Variants in FAM118B observed in about 807,000 individuals in gnomAD.
FAM118B encodes the protein SIR2 antiphage like 1.
FAM118B carries 24 observed loss-of-function variants against 38.5 expected under a neutral mutation model. The ratio of observed to expected loss-of-function variants is 0.62; its 90% confidence interval spans 0.45 to 0.88. The LOEUF (loss-of-function observed/expected upper bound fraction) is 0.88, where lower values mean the gene tolerates loss of function less well. Among genes scored for constraint, FAM118B ranks in the 40% least tolerant of loss-of-function variants. The pLI is 0.00. For missense variants in FAM118B, 334 were observed against 420.0 expected (o/e 0.80, Z 1.79); for synonymous variants, 138 against 156.3 (o/e 0.88, Z 0.87).
At position 126,253,351 on chromosome 11, in the gene FAM118B, C is replaced by T. The variant is rs1318930200; in HGVS notation, c.568-954C>T. The stretch of plus-strand genomic sequence containing the variant: ...GTGCCTCTTGACTACTTTCCTGATT[C>T]ATAGCCTATTTCTCCAAAATGTGAT... On this transcript the variant is annotated intron_variant, in intron 5 of 8. Transcript: ENST00000533050. This position sits in a 1 kb window ranked among gnomAD's most constrained non-coding sequence, Gnocchi z 5.1. Among the ~76,000 whole-genome samples, 1 of 152,152 alleles carries T rather than the reference C, an allele frequency of 6.6e-6. No individual in the cohort carries two copies. Among genetic ancestry groups the T allele is most frequent in the Non-Finnish European group, 1.5e-5 (1 of 68,030 alleles).
chr11:126,260,001 T>C (rs1950655325), intron 7 of FAM118B, among the ~76,000 whole-genome samples: 1 of 152,138 alleles, frequency 6.6e-6, no homozygotes, highest in Admixed American at 6.5e-5. Flanking sequence ...ATTACAGGCG[T>C]GAGCCACTGT....
At chr11:126,258,451 C>T (rs1387230055) in intron 7 of FAM118B, among the ~76,000 whole-genome samples, 1 of 152,200 alleles carries the variant, frequency 6.6e-6, no homozygotes, top group East Asian at 1.9e-4. Flanking sequence ...AAATCATCCC[C>T]AGATTTCTTA....
At chr11:126,245,170 C>A (rs772843682) in intron 4 of FAM118B, 2 of 152,006 alleles carry the variant, frequency 1.3e-5, no homozygotes, top group African/African-American at 4.8e-5. Flanking sequence ...GAGGGGTGAA[C>A]AAACACAGAT....
At chr11:126,218,310 C>T (rs1950008609) in intron 1 of FAM118B, among the ~76,000 whole-genome samples, 1 of 152,158 alleles carries the variant, frequency 6.6e-6, no homozygotes, top group African/African-American at 2.4e-5. Context: ...CTCAGATATC[C>T]AGCGACTTGC....
chr11:126,211,981 C>T (rs1158797447), intron 1 of FAM118B, among the ~76,000 whole-genome samples, 151 bp downstream of exon 1: 6 of 152,210 alleles, frequency 3.9e-5, no homozygotes, highest in Non-Finnish European at 8.8e-5. Context: ...AAAAACTCCT[C>T]CCCGCCCCCG....
intron 7 of FAM118B, chr11:126,260,736 G>C (rs1950673213): frequency 6.6e-6 from 1 of 152,118 alleles, no homozygotes; most frequent in Non-Finnish European, 1.5e-5. Context: ...TGAGTACCAT[G>C]CCTGTTTATA....
At chr11:126,232,210 G>A (rs1335772201) in intron 2 of FAM118B, among the ~76,000 whole-genome samples, 1 of 152,004 alleles carries the variant, frequency 6.6e-6, no homozygotes, top group African/African-American at 2.4e-5. Context: ...AGCATCCCTA[G>A]TCCAAAAAAT....
At chr11:126,212,494 T>A (rs1227510473) in intron 1 of FAM118B, among the ~76,000 whole-genome samples, 1 of 152,222 alleles carries the variant, frequency 6.6e-6, no homozygotes, top group African/African-American at 2.4e-5. Flanking sequence ...CGACTCCCTC[T>A]GATTTCACTC....
At chr11:126,221,111 C>T (rs1565325302) in intron 1 of FAM118B, among the ~76,000 whole-genome samples, 2 of 152,094 alleles carry the variant, frequency 1.3e-5, no homozygotes, top group Admixed American at 1.3e-4. Flanking sequence ...AGCTTGAACC[C>T]GGGAGGCAGA....
intron 1 of FAM118B, among the ~76,000 whole-genome samples, chr11:126,217,478 C>T (rs1949995436): frequency 6.6e-6 from 1 of 152,188 alleles, no homozygotes; most frequent in African/African-American, 2.4e-5. Context: ...ACAGTGTGTT[C>T]CTCCTGGTGT....
intron 4 of FAM118B, among the ~76,000 whole-genome samples, chr11:126,247,824 C>T (rs953813921): frequency 1.5e-4 from 22 of 148,826 alleles, no homozygotes; most frequent in African/African-American, 5.2e-4. Context: ...CGCCACTGCA[C>T]TCCAGCCTGG....
At chr11:126,216,019 G>C (rs1172874621) in intron 1 of FAM118B, among the ~76,000 whole-genome samples, 1 of 151,454 alleles carries the variant, frequency 6.6e-6, no homozygotes, top group Non-Finnish European at 1.5e-5. Flanking sequence ...TCTCAAAAAA[G>C]AAAAAGTAAT....
At position 126,256,779 on chromosome 11, in the gene FAM118B, T is replaced by C. The variant is rs538214091; in HGVS notation, c.909T>C (p.Tyr303=). 1.2e-6 allele frequency: 2 copies of C among 1,611,470 alleles called. No individual in the cohort carries two copies. The highest frequency in any genetic ancestry group is 8.5e-7 in the Non-Finnish European group (1 of 1,177,586). ...MLDKGIKVIS[Y]GDDYADLPEY... ...ACAAGGGGATTAAAGTCATCTCCTA[T>C]GGAGATGACTATGCCGATCTTCCAG... is the stretch of plus-strand genomic sequence containing the variant. The change falls in exon 7 of 9, where the codon TAT becomes TAC. Residue 303 remains tyrosine, a synonymous_variant. Coordinates refer to ENST00000533050, the MANE Select transcript of FAM118B (RefSeq NM_024556.4). The surrounding 1 kb of genome is among the most constrained non-coding windows in gnomAD (Gnocchi z 6.6).
chr11:126,248,358 CTTTTTTTTTTTT>C (rs1167017613), intron 4 of FAM118B, among the ~76,000 whole-genome samples: 525 of 36,984 alleles, frequency 0.014, 18 homozygotes, highest in African/African-American at 0.061. Context: ...TAGTAGTTGA[CTTTTTTTTTTTT>C]TTTTTTTTTT....
At chr11:126,243,380 C>T (rs1392529660) in intron 4 of FAM118B, among the ~76,000 whole-genome samples, 3 of 151,478 alleles carry the variant, frequency 2.0e-5, no homozygotes, top group African/African-American at 7.3e-5. Flanking sequence ...ACAAGCATCA[C>T]TTGGGCCCTG....
At chr11:126,228,879 G>A (rs1371746834) in intron 1 of FAM118B, among the ~76,000 whole-genome samples, 2 of 152,142 alleles carry the variant, frequency 1.3e-5, no homozygotes, top group Non-Finnish European at 2.9e-5. Context: ...AACTCATAGA[G>A]AATATCCTTT....
At chr11:126,234,928 T>C (rs1353588714) in intron 2 of FAM118B, 67 bp from the exon 3 acceptor site, 1 of 1,272,182 alleles carries the variant, frequency 7.9e-7, no homozygotes, top group African/African-American at 1.5e-5. Context: ...CTGTTTAATA[T>C]ATGTGCTATT....
intron 1 of FAM118B, among the ~76,000 whole-genome samples, chr11:126,225,285 G>C (rs528159205): frequency 7.2e-5 from 11 of 152,248 alleles, no homozygotes; most frequent in African/African-American, 2.6e-4. Flanking sequence ...GTTCTTTGAC[G>C]CAGTGAAATT....
In FAM118B at chr11:126,216,067, G is replaced by T. The variant is rs534355033; in HGVS notation, c.-77+4237G>T. Among the ~76,000 whole-genome samples the T allele has an allele frequency of 9.3e-4, 141 of 151,940 alleles. No individual in the cohort carries two copies. The Middle Eastern group carries it at 0.017, about 18-fold the overall frequency. On this transcript the variant is annotated intron_variant, in intron 1 of 8. Coordinates refer to ENST00000533050, the MANE Select transcript of FAM118B (RefSeq NM_024556.4). ...GTTTAAAAGTCAAATAGTAATAAAA[G>T]ATTTGGAATTAAAAAACAGTTTCTC...
Sources: allele counts gnomAD v4.1 joint callset (sites outside exome capture counted in the v4.1 genomes callset), GRCh38; gene constraint gnomAD v4.1.1; non-coding constraint Gnocchi (gnomAD v3.1); transcripts MANE v1.5; gene names NCBI Gene and HGNC (gene_info 2026-07-23, HGNC 2026-07-21).